SPAG16: variants seen among roughly 807,000 people sequenced by gnomAD.
SPAG16 encodes the protein sperm associated antigen 16.
Under a neutral mutation model 80.4 loss-of-function variants are expected in SPAG16, and 86 were observed. The ratio of observed to expected loss-of-function variants is 1.07; its 90% CI spans 0.90 to 1.28. The LOEUF is 1.28. Among genes scored for constraint, SPAG16 ranks in the 50% most tolerant of loss-of-function variants. SPAG16 has a pLI of 0.00. For synonymous variants in SPAG16, 294 were observed against 265.9 expected, an observed-to-expected ratio of 1.11 and a Z score of -1.03; for missense variants, 870 against 765.3, an observed-to-expected ratio of 1.14 and a Z score of -1.61.
At chr2:214,184,111 A>T (rs575427498) in intron 15 of SPAG16, among the ~76,000 whole-genome samples, 2 of 152,078 alleles carry the variant, frequency 1.3e-5, no homozygotes, top group African/African-American at 2.4e-5. Flanking sequence ...TGCCAACCAT[A>T]TATCATATGA....
At chr2:214,209,371 C>A (rs1169509445) in intron 15 of SPAG16, among the ~76,000 whole-genome samples, 1 of 152,164 alleles carries the variant, frequency 6.6e-6, no homozygotes, top group Admixed American at 6.6e-5. Flanking sequence ...ATCACTGTCT[C>A]CTGAGCCATA....
At chr2:214,242,949 T>C (rs1373374523) in intron 15 of SPAG16, among the ~76,000 whole-genome samples, 1 of 152,178 alleles carries the variant, frequency 6.6e-6, no homozygotes, top group East Asian at 1.9e-4. Flanking sequence ...CACTGGTTAG[T>C]AAAACTGAAT....
intron 10 of SPAG16, among the ~76,000 whole-genome samples, chr2:213,728,647 G>A (rs12622779): frequency 0.92 from 140,332 of 151,774 alleles, 65,912 homozygotes; most frequent in East Asian, 1. Context: ...AGGCCGAAGC[G>A]GGCGGATCAC....
intron 9 of SPAG16, among the ~76,000 whole-genome samples, chr2:213,404,588 C>T (rs2068509516): frequency 6.6e-6 from 1 of 151,886 alleles, no homozygotes; most frequent in Non-Finnish European, 1.5e-5. Context: ...AATGTTAGAC[C>T]TAAAACCATA....
At chr2:214,280,445 G>T (rs1321968372) in intron 15 of SPAG16, among the ~76,000 whole-genome samples, 1 of 152,100 alleles carries the variant, frequency 6.6e-6, no homozygotes, top group African/African-American at 2.4e-5. Context: ...ATTTGGAGTA[G>T]TAACACTATC....
chr2:214,108,337 A>G, intron 14 of SPAG16, 76 bp downstream of exon 14: 1 of 1,239,156 alleles, frequency 8.1e-7, no homozygotes, highest in Non-Finnish European at 1.2e-6. Context: ...CAAATTTCCA[A>G]GCTAAAATGG....
intron 10 of SPAG16, among the ~76,000 whole-genome samples, chr2:213,777,237 A>ATTT (rs59548915): frequency 0.039 from 3,199 of 82,810 alleles, 491 homozygotes; most frequent in African/African-American, 0.054. Context: ...GTTTGTAGGA[A>ATTT]TTTTTTTTTT....
At chr2:214,178,011 A>T (rs1281472247) in intron 15 of SPAG16, among the ~76,000 whole-genome samples, 10 of 45,870 alleles carry the variant, frequency 2.2e-4, no homozygotes, top group African/African-American at 3.9e-4. Flanking sequence ...ATATATATAT[A>T]TTCATACTTT....
intron 9 of SPAG16, among the ~76,000 whole-genome samples, chr2:213,453,146 T>A (rs1256098204): frequency 6.6e-6 from 1 of 152,228 alleles, no homozygotes; most frequent in African/African-American, 2.4e-5. Flanking sequence ...AGTTTATGGT[T>A]CTTGTATTGT....
rs145190763 is a variant in SPAG16 at position 213,634,618 on chromosome 2, C to T, written c.1070+144528C>T. On this transcript the variant is annotated intron_variant, in intron 10 of 15. Transcript: ENST00000331683. ...CTTTTTATTTATTTGTTTATTATTT[C>T]GATAGTTTTAGGGGAACAGGTATTA... Among the ~76,000 whole-genome samples the T allele has an allele frequency of 9.1e-4, 139 of 152,026 alleles. 1 individual carries two copies. Among genetic ancestry groups the T allele is most frequent in the Admixed American group, 1.4e-3 (22 of 15,254 alleles).
intron 15 of SPAG16, among the ~76,000 whole-genome samples, chr2:214,286,608 G>A (rs2125922609): frequency 6.6e-6 from 1 of 152,198 alleles, no homozygotes; most frequent in South Asian, 2.1e-4. Flanking sequence ...TTAGCTGGGT[G>A]TGGTGGTGCA....
intron 15 of SPAG16, among the ~76,000 whole-genome samples, chr2:214,360,721 G>A (rs562909759): frequency 6.6e-6 from 1 of 151,886 alleles, no homozygotes; most frequent in Admixed American, 6.6e-5. Flanking sequence ...CCCTCTGAAG[G>A]TTCTATAATT....
At chr2:213,555,195 G>A (rs2059389363) in intron 10 of SPAG16, among the ~76,000 whole-genome samples, 1 of 152,298 alleles carries the variant, frequency 6.6e-6, no homozygotes, top group South Asian at 2.1e-4. Flanking sequence ...TCAAAATGCT[G>A]AAGGGAAAAA....
At chr2:213,393,249 A>T (rs910076328) in intron 9 of SPAG16, among the ~76,000 whole-genome samples, 4 of 152,008 alleles carry the variant, frequency 2.6e-5, no homozygotes, top group Admixed American at 2.6e-4. Flanking sequence ...TGGTCATTAT[A>T]AATACTTACA....
At chr2:213,849,056 A>G (rs2074773249) in intron 10 of SPAG16, among the ~76,000 whole-genome samples, 1 of 152,086 alleles carries the variant, frequency 6.6e-6, no homozygotes, top group Non-Finnish European at 1.5e-5. Flanking sequence ...AGAAAAAAAG[A>G]TGTATTTTTC....
intron 11 of SPAG16, among the ~76,000 whole-genome samples, chr2:213,906,757 C>A (rs756610903): frequency 6.6e-6 from 1 of 152,248 alleles, no homozygotes; most frequent in South Asian, 2.1e-4. Flanking sequence ...CCAGAACATA[C>A]AATAGGGAAA....
At chr2:213,552,695 T>C (rs1362709702) in intron 10 of SPAG16, among the ~76,000 whole-genome samples, 2 of 152,128 alleles carry the variant, frequency 1.3e-5, no homozygotes, top group Non-Finnish European at 2.9e-5. Flanking sequence ...GGTGTGTCTG[T>C]GAGGGTGTTG....
At chr2:213,963,916 G>T (rs1197372361) in intron 12 of SPAG16, among the ~76,000 whole-genome samples, 1 of 151,960 alleles carries the variant, frequency 6.6e-6, no homozygotes, top group Non-Finnish European at 1.5e-5. Context: ...TTGTATCTTT[G>T]AATCTAAAGT....
At chr2:214,216,034 T>C (rs554566031) in intron 15 of SPAG16, among the ~76,000 whole-genome samples, 15 of 152,320 alleles carry the variant, frequency 9.8e-5, no homozygotes, top group South Asian at 2.1e-4. Flanking sequence ...CAATTGCATG[T>C]AAAGTCTTGG....
Sources: gnomAD v4.1 joint callset for allele counts (sites outside exome capture counted in the v4.1 genomes callset) on GRCh38, gnomAD v4.1.1 for gene constraint, MANE v1.5 for transcripts, NCBI Gene and HGNC (gene_info 2026-07-23, HGNC 2026-07-21) for gene names.